The following NBEA variants were observed in gnomAD, a reference collection of about 807,000 sequenced individuals.
NBEA encodes neurobeachin.
Under a neutral mutation model 343.4 loss-of-function variants are expected in NBEA, and 44 were observed. The ratio of observed to expected loss-of-function variants is 0.13; its 90% CI spans 0.10 to 0.16. NBEA has a LOEUF of 0.16. Ranked by LOEUF, NBEA falls within the 10% of genes least tolerant of loss-of-function variation. The pLI, the probability that NBEA is intolerant of heterozygous loss-of-function variation, is 1.00. For synonymous variants in NBEA, 1,175 were observed against 1,238.7 expected (o/e 0.95, Z 1.08); for missense variants, 2,555 against 3,631.3 (o/e 0.70, Z 7.62).
At chr13:35,018,112 T>C (rs1395704569) in intron 1 of NBEA, among the ~76,000 whole-genome samples, 2 of 152,156 alleles carry the variant, frequency 1.3e-5, no homozygotes, top group Non-Finnish European at 2.9e-5. Context: ...TGTGTATGTC[T>C]ATTCTTATGG....
intron 17 of NBEA, among the ~76,000 whole-genome samples, chr13:35,134,359 T>C (rs935152897): frequency 5.4e-5 from 8 of 147,846 alleles, no homozygotes; most frequent in Admixed American, 6.7e-5. Flanking sequence ...AAAGAAGATA[T>C]ACAAAAAAAA....
At chr13:35,183,638 TC>T (rs1160590001) in intron 29 of NBEA, among the ~76,000 whole-genome samples, 1 of 152,052 alleles carries the variant, frequency 6.6e-6, no homozygotes, top group Admixed American at 6.6e-5. Context: ...TCATGTTTTT[TC>T]ACCATTTAAA....
At chr13:35,009,954 G>A (rs1214360642) in intron 1 of NBEA, among the ~76,000 whole-genome samples, 1 of 152,174 alleles carries the variant, frequency 6.6e-6, no homozygotes, top group African/African-American at 2.4e-5. Flanking sequence ...TGATCAGAAG[G>A]ATGGAAGTGC....
chr13:35,089,811 C>G (rs1373145788), intron 10 of NBEA, among the ~76,000 whole-genome samples: 2 of 148,730 alleles, frequency 1.3e-5, no homozygotes, highest in South Asian at 2.1e-4. Flanking sequence ...ATCACAAGAA[C>G]AAAAAACCAA....
chr13:35,461,257 A>AC (rs1298043920), intron 40 of NBEA, among the ~76,000 whole-genome samples: 1 of 152,302 alleles, frequency 6.6e-6, no homozygotes, highest in Non-Finnish European at 1.5e-5. Flanking sequence ...AATAAAAGCC[A>AC]CCCTTTGTTA....
intron 40 of NBEA, among the ~76,000 whole-genome samples, chr13:35,467,984 C>T (rs1206232601): frequency 2.6e-5 from 4 of 151,924 alleles, no homozygotes; most frequent in African/African-American, 4.8e-5. Flanking sequence ...TTTTTCCATA[C>T]GTAGTCTTTG....
chr13:35,421,386 C>T (rs1031354004), intron 38 of NBEA, among the ~76,000 whole-genome samples: 12 of 151,950 alleles, frequency 7.9e-5, no homozygotes, highest in African/African-American at 2.9e-4. Context: ...TGTGCATAGC[C>T]TTATCAGTCT....
intron 28 of NBEA, chr13:35,179,790 T>G: frequency 1.0e-6 from 1 of 984,778 alleles, no homozygotes; most frequent in Non-Finnish European, 1.2e-6. Flanking sequence ...TGTGTGAATC[T>G]GTTCTTGGTT....
chr13:35,364,096 T>A (rs931920042), intron 38 of NBEA, among the ~76,000 whole-genome samples: 1 of 151,952 alleles, frequency 6.6e-6, no homozygotes, highest in Non-Finnish European at 1.5e-5. Context: ...AGGTCACTAC[T>A]TGTGCATGTG....
At chr13:35,262,348 A>G (rs554437405) in intron 34 of NBEA, among the ~76,000 whole-genome samples, 28 of 152,346 alleles carry the variant, frequency 1.8e-4, no homozygotes, top group Non-Finnish European at 3.5e-4. Context: ...TGAAGAAATG[A>G]AACTTATGTT....
Position 35,129,628 on chromosome 13 carries a change from A to G in NBEA, c.2336+6054A>G, listed in dbSNP as rs1413683513. Among the ~76,000 whole-genome samples the G allele has an allele frequency of 3.9e-5, 6 of 152,104 alleles. No individual in the cohort carries two copies. The East Asian group carries it at 1.2e-3, about 29-fold the overall frequency. On this transcript the variant is annotated intron_variant, in intron 17 of 58. Transcript: ENST00000379939. ...CAACCATGACATTAAGAGAGGGGGAAAAAAGGAAAGGTTTCAAATATGGCT... is the reference window on the plus strand; with the variant it reads ...CAACCATGACATTAAGAGAGGGGGAGAAAAGGAAAGGTTTCAAATATGGCT...
At chr13:35,047,138 G>T (rs1010656454) in intron 4 of NBEA, among the ~76,000 whole-genome samples, 17 of 152,046 alleles carry the variant, frequency 1.1e-4, no homozygotes, top group African/African-American at 3.9e-4. Flanking sequence ...AAAACTGCCT[G>T]AACTAATTGC....
At chr13:35,131,562 T>C (rs1593450465) in intron 17 of NBEA, among the ~76,000 whole-genome samples, 1 of 152,334 alleles carries the variant, frequency 6.6e-6, no homozygotes, top group East Asian at 1.9e-4. Flanking sequence ...AACATATGTC[T>C]ACTGAAAACT....
At chr13:35,607,149 A>T (rs1156348720) in intron 48 of NBEA, among the ~76,000 whole-genome samples, 2 of 152,166 alleles carry the variant, frequency 1.3e-5, no homozygotes, top group African/African-American at 4.8e-5. Context: ...TCCTGGGCTC[A>T]AGTAGTCCTC....
intron 35 of NBEA, among the ~76,000 whole-genome samples, chr13:35,298,137 A>C (rs921135899): frequency 7.3e-5 from 11 of 150,680 alleles, no homozygotes; most frequent in African/African-American, 2.4e-4. Flanking sequence ...TAGAGAAAAG[A>C]AAATGTTATT....
intron 18 of NBEA, among the ~76,000 whole-genome samples, chr13:35,150,098 G>C (rs1277044625): frequency 6.6e-6 from 1 of 152,156 alleles, no homozygotes; most frequent in African/African-American, 2.4e-5. Flanking sequence ...ATGAGGCAGA[G>C]CTCCTGAAAT....
In NBEA at chr13:35,672,325, A is replaced by G. The variant is rs557289211; in HGVS notation, c.*1334A>G. ...CACTCGCAGTCATTTATTTAAAAAG[A>G]TAAAACAAGATAATGGGTTCTTTGT... is the stretch of plus-strand genomic sequence containing the variant. On this transcript the variant is annotated 3_prime_UTR_variant, in exon 59 of 59. Transcript: ENST00000379939. 10 of 152,790 alleles carry G rather than the reference A, an allele frequency of 6.5e-5. No individual in the cohort carries two copies. In the South Asian group the frequency reaches 1.7e-3, roughly 25 times the overall value. 9.5% of individuals were successfully genotyped at this position (152,790 alleles called of 1,614,324 possible).
intron 37 of NBEA, among the ~76,000 whole-genome samples, chr13:35,351,322 C>A (rs1168358044): frequency 2.0e-5 from 3 of 151,800 alleles, no homozygotes; most frequent in Admixed American, 2.0e-4. Context: ...TCACACCACT[C>A]TGTATATTTA....
At chr13:35,222,567 T>C (rs563467063) in intron 33 of NBEA, among the ~76,000 whole-genome samples, 1 of 152,130 alleles carries the variant, frequency 6.6e-6, no homozygotes, top group Non-Finnish European at 1.5e-5. Context: ...GTATTTTTTT[T>C]ATTATTTCAT....
Sources: allele counts gnomAD v4.1 joint callset (sites outside exome capture counted in the v4.1 genomes callset), GRCh38; gene constraint gnomAD v4.1.1; transcripts MANE v1.5; gene names NCBI Gene and HGNC (gene_info 2026-07-23, HGNC 2026-07-21).